Variants in SMARCAL1 observed in about 807,000 individuals in gnomAD.
The protein encoded by SMARCAL1 is SNF2 related chromatin remodeling annealing helicase 1.
Under a neutral mutation model 94.5 loss-of-function variants are expected in SMARCAL1, and 58 were observed. The observed-to-expected ratio is 0.61, with a 90% CI of 0.50 to 0.76. SMARCAL1 has a LOEUF of 0.76. Ranked by LOEUF, SMARCAL1 falls within the 30% of genes least tolerant of loss-of-function variation. SMARCAL1 has a pLI of 0.00. For missense variants in SMARCAL1, 1,051 were observed against 1,177.9 expected (o/e 0.89, Z 1.58); for synonymous variants, 422 against 455.1 (o/e 0.93, Z 0.93).
chr2:216,420,028 CAAAAAAAAA>C (rs60555710), intron 4 of SMARCAL1, among the ~76,000 whole-genome samples: 26 of 40,172 alleles, frequency 6.5e-4, no homozygotes, highest in Non-Finnish European at 1.3e-3. Flanking sequence ...GACCCCGTCT[CAAAAAAAAA>C]AAAAAAAAAA....
rs774803082 is a variant in SMARCAL1, at chr2:216,447,012, T to C, written c.1711-6T>C. On this transcript the variant is annotated splice_region_variant and splice_polypyrimidine_tract_variant and intron_variant, in intron 10 of 17. Coordinates refer to ENST00000357276, the MANE Select transcript of SMARCAL1 (RefSeq NM_014140.4). ...TTCAGAGCACCTTTGGCTGTTTGTC[T>C]TTTAGGTTGCCAAGAGGGTGATCCT... is the stretch of plus-strand genomic sequence containing the variant. 1 of 1,613,968 alleles carries C rather than the reference T, an allele frequency of 6.2e-7. No homozygotes were observed. The highest frequency in any genetic ancestry group is 8.5e-7 in the Non-Finnish European group (1 of 1,179,974).
intron 12 of SMARCAL1, among the ~76,000 whole-genome samples, chr2:216,453,706 C>G (rs1694497492): frequency 1.3e-5 from 2 of 152,212 alleles, no homozygotes; most frequent in African/African-American, 4.8e-5. Flanking sequence ...AGTCCCCTCT[C>G]TCCACTGCCA....
chr2:216,447,587 A>G (rs1021566923), intron 11 of SMARCAL1, among the ~76,000 whole-genome samples: 2 of 152,000 alleles, frequency 1.3e-5, no homozygotes, highest in Non-Finnish European at 2.9e-5. Flanking sequence ...CCCCAGGCAG[A>G]GGGAAGAAGT....
chr2:216,423,065 AT>A (rs1463557643), intron 5 of SMARCAL1, among the ~76,000 whole-genome samples: 3 of 152,082 alleles, frequency 2.0e-5, no homozygotes, highest in Non-Finnish European at 4.4e-5. Flanking sequence ...TAATATCTTT[AT>A]TTTTCAGATG....
intron 12 of SMARCAL1, among the ~76,000 whole-genome samples, chr2:216,457,157 C>T (rs1398195098): frequency 1.3e-5 from 2 of 152,178 alleles, no homozygotes; most frequent in East Asian, 3.8e-4. Flanking sequence ...AATATATATG[C>T]ACCCAATACA....
At position 216,423,654 on chromosome 2, in the gene SMARCAL1, G is replaced by A; in HGVS notation, c.1118G>A (p.Ser373Asn). The A allele has an allele frequency of 6.2e-7, 1 of 1,614,052 alleles. No homozygotes were observed. The highest frequency in any genetic ancestry group is 8.5e-7 in the Non-Finnish European group (1 of 1,179,910). Residue 373 changes from serine to asparagine, a missense_variant, in exon 6 of 18, where the codon AGC (serine) becomes AAC (asparagine). Physicochemically the swap from Ser to Asn is conservative, Grantham distance 46. Around this residue, in one of 3 missense-constraint regions of SMARCAL1, gnomAD observed 642 missense variants for 754.7 expected, o/e 0.85. Transcript: ENST00000357276. ...GCAGATGTCAAGACCAGGAAGTGGA[G>A]CTTTCTCTTGGAAGAGCACAGTAAA... ...RRYDVKTRKWSFLLEEHSKLI... is the reference protein window; with the variant it reads ...RRYDVKTRKWNFLLEEHSKLI...
In SMARCAL1 at chr2:216,455,836, C is replaced by T. The variant is rs555011766; in HGVS notation, c.2070+4772C>T. Among the ~76,000 whole-genome samples, 277 of 152,324 alleles carry T rather than the reference C, an allele frequency of 1.8e-3. 1 individual carries two copies. Among genetic ancestry groups the T allele is most frequent in the Middle Eastern group, 3.4e-3 (1 of 294 alleles). On this transcript the variant is annotated intron_variant, in intron 12 of 17. Transcript: ENST00000357276. ...ATGCAGCTCCTCACCAGCAATGGAA[C>T]AAAGCTGGACGGAGAATGACTTTGA... is the stretch of plus-strand genomic sequence containing the variant.
In SMARCAL1 at chr2:216,436,909, T is replaced by G. The variant is rs78627826; in HGVS notation, c.1644+1413T>G. Among the ~76,000 whole-genome samples, 1,152 of 152,280 alleles carry G rather than the reference T, an allele frequency of 7.6e-3. 7 individuals carry two copies. Among genetic ancestry groups the G allele is most frequent in the African/African-American group, 0.026 (1,082 of 41,564 alleles). ...TGCCCATAGGCACAAAGCTAGCAAG[T>G]TGGAGGTTATTGAATAAAGCTGGGT... On this transcript the variant is annotated intron_variant, in intron 9 of 17. Coordinates refer to ENST00000357276, the MANE Select transcript of SMARCAL1 (RefSeq NM_014140.4).
chr2:216,422,441 C>T (rs1294901531), intron 5 of SMARCAL1, among the ~76,000 whole-genome samples: 1 of 152,204 alleles, frequency 6.6e-6, no homozygotes, highest in Non-Finnish European at 1.5e-5. Flanking sequence ...ACATGGTCTG[C>T]ATTCTGGGAG....
intron 6 of SMARCAL1, 60 bp downstream of exon 6, chr2:216,423,743 T>C: frequency 7.1e-7 from 1 of 1,412,042 alleles, no homozygotes; most frequent in Non-Finnish European, 1.0e-6. Flanking sequence ...ATAATTCACC[T>C]TAAATTTGAT....
At chr2:216,446,498 T>C (rs1230194407) in intron 10 of SMARCAL1, among the ~76,000 whole-genome samples, 3 of 152,214 alleles carry the variant, frequency 2.0e-5, no homozygotes, top group African/African-American at 4.8e-5. Context: ...AGAGGGCTGA[T>C]TGTAATTGTC....
chr2:216,426,315 AGT>A (rs1693833558), intron 6 of SMARCAL1, among the ~76,000 whole-genome samples: 1 of 152,256 alleles, frequency 6.6e-6, no homozygotes, highest in African/African-American at 2.4e-5. Context: ...AGATAAATGT[AGT>A]GTTGAAAAAC....
chr2:216,463,537 A>G (rs977878572), intron 12 of SMARCAL1, among the ~76,000 whole-genome samples: 1 of 152,252 alleles, frequency 6.6e-6, no homozygotes, highest in African/African-American at 2.4e-5. Flanking sequence ...ACTCTTACCA[A>G]TGATGGTAAG....
intron 4 of SMARCAL1, among the ~76,000 whole-genome samples, chr2:216,418,445 T>C (rs1420167223): frequency 6.6e-6 from 1 of 152,230 alleles, no homozygotes; most frequent in African/African-American, 2.4e-5. Context: ...GCCATAATTA[T>C]GGATTTGTGA....
At chr2:216,445,355 G>A (rs1694286573) in intron 10 of SMARCAL1, among the ~76,000 whole-genome samples, 1 of 152,170 alleles carries the variant, frequency 6.6e-6, no homozygotes, top group Middle Eastern at 3.4e-3. Flanking sequence ...TTGTAATGCT[G>A]CCTCTGCCTT....
intron 13 of SMARCAL1, among the ~76,000 whole-genome samples, chr2:216,467,001 T>C (rs1036574194): frequency 6.6e-6 from 1 of 152,132 alleles, no homozygotes; most frequent in Non-Finnish European, 1.5e-5. Flanking sequence ...TGGCTGGCAA[T>C]GGCCTCAGCA....
chr2:216,425,015 C>T (rs895848160), intron 6 of SMARCAL1, among the ~76,000 whole-genome samples: 2 of 152,294 alleles, frequency 1.3e-5, no homozygotes, highest in South Asian at 4.1e-4. Flanking sequence ...GCCTCCCAGG[C>T]TCAAGCGATT....
intron 12 of SMARCAL1, among the ~76,000 whole-genome samples, chr2:216,461,313 G>A (rs538454773): frequency 6.0e-5 from 9 of 151,066 alleles, no homozygotes; most frequent in Non-Finnish European, 1.3e-4. Context: ...CATAATTTTG[G>A]CATATATAAT....
At position 216,415,081 on chromosome 2, in the gene SMARCAL1, T is replaced by TG; in HGVS notation, c.379dup (p.Ala127GlyfsTer9). Reference sequence around the variant, plus strand: ...GCTCTCACTGGAATCTCTCCTCCCTTGGCACAAAGTCCTCCAGAGGTCCCT... The same window carrying TG: ...GCTCTCACTGGAATCTCTCCTCCCTTGGGCACAAAGTCCTCCAGAGGTCCCT... On this transcript the variant is annotated frameshift_variant, in exon 3 of 18. Transcript: ENST00000357276. LOFTEE classifies it high-confidence loss of function. The TG allele has an allele frequency of 6.2e-7, 1 of 1,614,208 alleles. No homozygotes were observed. Among genetic ancestry groups the TG allele is most frequent in the Non-Finnish European group, 8.5e-7 (1 of 1,180,028 alleles).
Sources: allele counts gnomAD v4.1 joint callset (sites outside exome capture counted in the v4.1 genomes callset), GRCh38; gene constraint gnomAD v4.1.1; regional missense constraint gnomAD v4.1.1; transcripts MANE v1.5; gene names NCBI Gene and HGNC (gene_info 2026-07-23, HGNC 2026-07-21).